NLRC4: variants seen among roughly 807,000 people sequenced by gnomAD.
NLRC4 encodes NLR family CARD domain containing 4, also known as NLR family CARD domain-containing protein 4.
NLRC4 carries 63 observed loss-of-function variants against 79.9 expected under a neutral mutation model. The observed-to-expected ratio is 0.79, with a 90% confidence interval of 0.64 to 0.97. The LOEUF (loss-of-function observed/expected upper bound fraction) is 0.97. Ranked by LOEUF, NLRC4 falls within the 50% of genes least tolerant of loss-of-function variation. The pLI, the probability that NLRC4 is intolerant of heterozygous loss-of-function variation, is 0.00. For missense variants in NLRC4, 1,074 were observed against 1,215.2 expected (o/e 0.88, Z 1.73); for synonymous variants, 461 against 456.5 (o/e 1.01, Z -0.12).
chr2:32,259,027 G>C (rs1422451114), intron 1 of NLRC4, among the ~76,000 whole-genome samples: 1 of 152,100 alleles, frequency 6.6e-6, no homozygotes, highest in Non-Finnish European at 1.5e-5. Flanking sequence ...GTGTGATTGT[G>C]GTATGTGAAT....
intron 4 of NLRC4, among the ~76,000 whole-genome samples, chr2:32,246,742 A>G (rs116132812): frequency 2.0e-3 from 308 of 152,310 alleles, no homozygotes; most frequent in African/African-American, 7.1e-3. Flanking sequence ...AAATTTCATC[A>G]TGTTAGACAA....
intron 2 of NLRC4, among the ~76,000 whole-genome samples, chr2:32,253,964 CA>C (rs71407436): frequency 1.2e-3 from 131 of 107,904 alleles, no homozygotes; most frequent in African/African-American, 3.4e-3. Context: ...AACTCTGTCT[CA>C]AAAAAAAAAA....
chr2:32,233,692 T>G (rs887971773), intron 8 of NLRC4, among the ~76,000 whole-genome samples: 14 of 152,300 alleles, frequency 9.2e-5, no homozygotes, highest in Non-Finnish European at 1.5e-5. Context: ...TTAAGACTTA[T>G]TTTGTGGCCT....
intron 5 of NLRC4, 59 bp from the exon 6 acceptor site, chr2:32,238,361 A>T: frequency 7.2e-7 from 1 of 1,381,278 alleles, no homozygotes. Flanking sequence ...TTAAGCATAG[A>T]TTAATGAACT....
intron 4 of NLRC4, among the ~76,000 whole-genome samples, chr2:32,247,464 G>A (rs1437483540): frequency 1.3e-5 from 2 of 151,140 alleles, no homozygotes; most frequent in Non-Finnish European, 3.0e-5. Context: ...ACAGGCATGT[G>A]CCACCACGCC....
chr2:32,228,988 ACTC>A (rs1044819588), intron 8 of NLRC4, among the ~76,000 whole-genome samples: 1 of 150,146 alleles, frequency 6.7e-6, no homozygotes, highest in Non-Finnish European at 1.5e-5. Context: ...CTGGTTTTGA[ACTC>A]CTGACCTCAA....
intron 7 of NLRC4, among the ~76,000 whole-genome samples, 189 bp downstream of exon 7, chr2:32,236,058 T>C (rs1017923699): frequency 1.3e-5 from 2 of 152,088 alleles, no homozygotes; most frequent in Non-Finnish European, 2.9e-5. Flanking sequence ...ATATGTAAAC[T>C]GGTGACTTAA....
At chr2:32,262,487 G>A (rs1168849254) in intron 1 of NLRC4, among the ~76,000 whole-genome samples, 1 of 152,032 alleles carries the variant, frequency 6.6e-6, no homozygotes, top group Non-Finnish European at 1.5e-5. Context: ...AAAGAATAGG[G>A]CTGTGGACCA....
chr2:32,242,318 A>T (rs1243689720), intron 4 of NLRC4, among the ~76,000 whole-genome samples: 1 of 152,210 alleles, frequency 6.6e-6, no homozygotes, highest in Non-Finnish European at 1.5e-5. Flanking sequence ...ATCAGAAACA[A>T]AAAAGGGGAT....
intron 8 of NLRC4, among the ~76,000 whole-genome samples, chr2:32,231,216 G>A (rs1406916457): frequency 2.0e-5 from 3 of 151,634 alleles, no homozygotes; most frequent in African/African-American, 7.3e-5. Flanking sequence ...GTGCAGTGGC[G>A]CAATCTCGGC....
At chr2:32,247,035 G>C (rs1456770449) in intron 4 of NLRC4, among the ~76,000 whole-genome samples, 2 of 152,184 alleles carry the variant, frequency 1.3e-5, no homozygotes, top group Non-Finnish European at 2.9e-5. Context: ...TGGAATTACA[G>C]GTGTGAGTCA....
At chr2:32,255,503 A>G (rs1334424206) in intron 2 of NLRC4, among the ~76,000 whole-genome samples, 6 of 143,166 alleles carry the variant, frequency 4.2e-5, no homozygotes, top group Non-Finnish European at 6.2e-5. Flanking sequence ...CTGGGCAACA[A>G]GAGCAAAACT....
rs754428458 is a variant in NLRC4 at position 32,250,972 on chromosome 2, C to T, written c.892G>A (p.Gly298Arg). 6.8e-6 allele frequency: 11 copies of T among 1,614,184 alleles called. No individual in the cohort carries two copies. The highest frequency in any genetic ancestry group is 9.3e-6 in the Non-Finnish European group (11 of 1,180,038). Reference sequence around the variant, plus strand: ...TGGGCGCTGTCTTCTGTCATATCCCCCACCTCAGCAGTCAGGGCACCAAAC... The same window carrying T: ...TGGGCGCTGTCTTCTGTCATATCCCTCACCTCAGCAGTCAGGGCACCAAAC... ...RQFGALTAEVGDMTEDSAQAL... is the reference protein window; with the variant it reads ...RQFGALTAEVRDMTEDSAQAL... Residue 298 changes from glycine (G) to arginine (R), a missense_variant, in exon 4 of 9, where the codon GGG becomes AGG. By Grantham distance (125) the Gly-to-Arg change is moderately radical. Coordinates refer to ENST00000402280, the MANE Select transcript of NLRC4 (RefSeq NM_001199138.2). The surrounding 1 kb of genome is among the most constrained non-coding windows in gnomAD (Gnocchi z 4.9).
chr2:32,236,919 A>T (rs1381421534), intron 6 of NLRC4, among the ~76,000 whole-genome samples: 1 of 152,248 alleles, frequency 6.6e-6, no homozygotes, highest in Non-Finnish European at 1.5e-5. Flanking sequence ...CAACAATTAC[A>T]TTAAATCTTA....
chr2:32,236,170 C>G, intron 7 of NLRC4, 77 bp downstream of exon 7: 2 of 886,702 alleles, frequency 2.3e-6, no homozygotes, highest in Non-Finnish European at 1.8e-6. Context: ...TAAAAGACCT[C>G]AGGACCCAGG....
At chr2:32,226,433 G>A (rs946283272) in intron 8 of NLRC4, among the ~76,000 whole-genome samples, 1 of 152,176 alleles carries the variant, frequency 6.6e-6, no homozygotes, top group African/African-American at 2.4e-5. Context: ...TAAAGTGATT[G>A]GCCCTGCCTG....
intron 4 of NLRC4, among the ~76,000 whole-genome samples, chr2:32,244,262 A>C (rs1398899330): frequency 1.3e-5 from 2 of 152,152 alleles, no homozygotes; most frequent in Non-Finnish European, 2.9e-5. Flanking sequence ...AAATAATCTA[A>C]AAATAATTTA....
Position 32,239,281 on chromosome 2 carries a change from C to CAAAGA in NLRC4, c.2351-984_2351-980dup, listed in dbSNP as rs373052867. Among the ~76,000 whole-genome samples the CAAAGA allele has an allele frequency of 2.2e-4, 34 of 151,958 alleles. 1 individual carries two copies. In the East Asian group the frequency reaches 3.5e-3, roughly 16 times the overall value. On this transcript the variant is annotated intron_variant, in intron 5 of 8. Coordinates refer to ENST00000402280, the MANE Select transcript of NLRC4 (RefSeq NM_001199138.2). ...GGGCGACAGAGCGAGACTCCCATCT[C>CAAAGA]AAAGAAAAGAAAAGAAAAGAAATAA...
intron 6 of NLRC4, 89 bp from the exon 7 acceptor site, chr2:32,236,428 T>G: frequency 1.3e-6 from 1 of 744,790 alleles, no homozygotes; most frequent in Non-Finnish European, 2.2e-6. Context: ...CTGAGTTTTA[T>G]CTTCTCTGCT....
Sources: gnomAD v4.1 joint callset for allele counts (sites outside exome capture counted in the v4.1 genomes callset) on GRCh38, gnomAD v4.1.1 for gene constraint, Gnocchi (gnomAD v3.1) non-coding constraint, MANE v1.5 for transcripts, NCBI Gene and HGNC (gene_info 2026-07-23, HGNC 2026-07-21) for gene names.